Variants in FAM53B observed in about 807,000 individuals in gnomAD.
FAM53B encodes the protein family with sequence similarity 53 member B.
Under a neutral mutation model 32.7 loss-of-function variants are expected in FAM53B, and 12 were observed. The observed-to-expected ratio is 0.37, with a 90% confidence interval of 0.24 to 0.59. FAM53B has a LOEUF of 0.59. Among genes scored for constraint, FAM53B ranks in the 20% least tolerant of loss-of-function variants. The pLI is 0.72. For missense variants in FAM53B, 477 were observed against 577.7 expected (o/e 0.83, Z 1.79); for synonymous variants, 234 against 228.7 (o/e 1.02, Z -0.21).
chr10:124,699,634 G>C (rs1057190314), intron 2 of FAM53B, among the ~76,000 whole-genome samples: 1 of 152,240 alleles, frequency 6.6e-6, no homozygotes, highest in African/African-American at 2.4e-5. Context: ...CCCTTCTTCT[G>C]TCAGCAGCAC....
At chr10:124,668,426 C>T (rs1198181598) in intron 4 of FAM53B, among the ~76,000 whole-genome samples, 1 of 152,246 alleles carries the variant, frequency 6.6e-6, no homozygotes, top group Non-Finnish European at 1.5e-5. Flanking sequence ...TTCTAGATTA[C>T]AGTGAGATGG....
At chr10:124,688,780 A>C (rs753963908) in intron 3 of FAM53B, among the ~76,000 whole-genome samples, 34 of 152,322 alleles carry the variant, frequency 2.2e-4, no homozygotes, top group Non-Finnish European at 2.6e-4. Context: ...TACGAATGGC[A>C]TTTGACCTCA....
chr10:124,656,813 C>T (rs1371248671), intron 4 of FAM53B, among the ~76,000 whole-genome samples: 2 of 151,362 alleles, frequency 1.3e-5, no homozygotes, highest in African/African-American at 2.4e-5. Flanking sequence ...CTATGTTGCA[C>T]AAGCCAGGAG....
At chr10:124,726,280 T>C (rs1003618975) in intron 1 of FAM53B, among the ~76,000 whole-genome samples, 1 of 152,198 alleles carries the variant, frequency 6.6e-6, no homozygotes, top group Non-Finnish European at 1.5e-5. Context: ...GGTGGCCTAC[T>C]ACCCACCCCC....
At chr10:124,725,064 CCTT>C (rs1452859582) in intron 1 of FAM53B, among the ~76,000 whole-genome samples, 1 of 152,194 alleles carries the variant, frequency 6.6e-6, no homozygotes, top group Non-Finnish European at 1.5e-5. Context: ...GGGGAACACT[CCTT>C]GACAAAACAA....
chr10:124,717,449 G>A (rs1265626093), intron 1 of FAM53B, among the ~76,000 whole-genome samples: 2 of 152,252 alleles, frequency 1.3e-5, no homozygotes, highest in Admixed American at 6.5e-5. Context: ...CAACTGCTAT[G>A]CTGGCCTTTC....
intron 4 of FAM53B, among the ~76,000 whole-genome samples, chr10:124,630,064 T>C (rs1949380658): frequency 6.6e-6 from 1 of 152,220 alleles, no homozygotes; most frequent in Non-Finnish European, 1.5e-5. Flanking sequence ...AGCCACCTCC[T>C]GTGTAGGCCA....
At chr10:124,630,881 G>A (rs1235050374) in intron 4 of FAM53B, among the ~76,000 whole-genome samples, 1 of 152,268 alleles carries the variant, frequency 6.6e-6, no homozygotes, top group Non-Finnish European at 1.5e-5. Context: ...CCAGAAGCCA[G>A]TACAGCAGGG....
intron 4 of FAM53B, among the ~76,000 whole-genome samples, chr10:124,626,575 C>T (rs145009539): frequency 1.3e-5 from 2 of 152,280 alleles, no homozygotes; most frequent in East Asian, 1.9e-4. Context: ...CACAAGACCC[C>T]GATCCTGTTG....
chr10:124,701,578 G>A (rs752153929), intron 2 of FAM53B, among the ~76,000 whole-genome samples: 6 of 152,236 alleles, frequency 3.9e-5, no homozygotes, highest in East Asian at 1.9e-4. Context: ...GTGGGCGTGC[G>A]GGAAGGAGCT....
At chr10:124,625,448 C>A (rs1016079202) in intron 4 of FAM53B, among the ~76,000 whole-genome samples, 1 of 152,190 alleles carries the variant, frequency 6.6e-6, no homozygotes, top group Non-Finnish European at 1.5e-5. Flanking sequence ...GGATTCGATG[C>A]AGCCCGGTGG....
chr10:124,632,721 C>T (rs1168741480), intron 4 of FAM53B, among the ~76,000 whole-genome samples: 1 of 152,236 alleles, frequency 6.6e-6, no homozygotes, highest in Non-Finnish European at 1.5e-5. Context: ...AAATCACCAA[C>T]TGGTTTAGCC....
chr10:124,722,530 T>G (rs1175022658), intron 1 of FAM53B, among the ~76,000 whole-genome samples: 1 of 152,150 alleles, frequency 6.6e-6, no homozygotes, highest in African/African-American at 2.4e-5. Context: ...ACATAAAACC[T>G]GTCTTCAGGG....
intron 1 of FAM53B, among the ~76,000 whole-genome samples, chr10:124,743,718 C>T (rs1196864951): frequency 6.6e-6 from 1 of 151,960 alleles, no homozygotes; most frequent in Non-Finnish European, 1.5e-5. Flanking sequence ...GGAGCGCAGA[C>T]TTTTCCGCCG....
chr10:124,653,092 C>T (rs1407108247), intron 4 of FAM53B, among the ~76,000 whole-genome samples: 1 of 152,202 alleles, frequency 6.6e-6, no homozygotes, highest in Non-Finnish European at 1.5e-5. Flanking sequence ...CTGCAGATAA[C>T]TAAGTTAAAC....
chr10:124,625,279 GTTTGCTTTT>G (rs1332589213), intron 4 of FAM53B, among the ~76,000 whole-genome samples: 4 of 152,174 alleles, frequency 2.6e-5, no homozygotes, highest in African/African-American at 9.7e-5. Flanking sequence ...GTTCTGATGG[GTTTGCTTTT>G]TTTGGAATCT....
chr10:124,673,885 C>T (rs1367451597), intron 4 of FAM53B, among the ~76,000 whole-genome samples: 1 of 152,192 alleles, frequency 6.6e-6, no homozygotes, highest in Non-Finnish European at 1.5e-5. Context: ...TAACCTGACG[C>T]CCATGGCTAC....
At chr10:124,694,084 G>A (rs1407632256) in intron 3 of FAM53B, among the ~76,000 whole-genome samples, 1 of 152,226 alleles carries the variant, frequency 6.6e-6, no homozygotes, top group Non-Finnish European at 1.5e-5. Flanking sequence ...GGAGAACAAG[G>A]GGACTCCACA....
intron 4 of FAM53B, among the ~76,000 whole-genome samples, chr10:124,673,850 A>G (rs1949721429): frequency 6.6e-6 from 1 of 152,200 alleles, no homozygotes; most frequent in Non-Finnish European, 1.5e-5. Flanking sequence ...ACGTCTAGGA[A>G]CCTGCAGTGT....
Sources: allele counts gnomAD v4.1 joint callset (sites outside exome capture counted in the v4.1 genomes callset), GRCh38; gene constraint gnomAD v4.1.1; transcripts MANE v1.5; gene names NCBI Gene and HGNC (gene_info 2026-07-23, HGNC 2026-07-21).